The following SPAG1 variants were observed in gnomAD, a reference collection of about 807,000 sequenced individuals.
SPAG1 encodes the protein sperm-associated antigen 1.
SPAG1 carries 69 observed loss-of-function variants against 100.5 expected under a neutral mutation model. The observed-to-expected ratio is 0.69, with a 90% CI of 0.57 to 0.84. The LOEUF (loss-of-function observed/expected upper bound fraction) is 0.84. Among genes scored for constraint, SPAG1 ranks in the 40% least tolerant of loss-of-function variants. The pLI, the probability that SPAG1 is intolerant of heterozygous loss-of-function variation, is 0.00. For synonymous variants in SPAG1, 336 were observed against 411.6 expected (o/e 0.82, Z 2.22); for missense variants, 955 against 1,133.1 (o/e 0.84, Z 2.26).
intron 2 of SPAG1, among the ~76,000 whole-genome samples, chr8:100,164,088 C>G (rs1815437932): frequency 6.6e-6 from 1 of 152,200 alleles, no homozygotes; most frequent in Non-Finnish European, 1.5e-5. Flanking sequence ...CTCCATTTAA[C>G]TCTCTAAGGA....
chr8:100,182,464 T>G (rs1452865871), intron 4 of SPAG1, among the ~76,000 whole-genome samples: 3 of 152,126 alleles, frequency 2.0e-5, no homozygotes, highest in African/African-American at 7.2e-5. Context: ...GTGGTGATGT[T>G]TCCTGCCACA....
At chr8:100,166,093 C>T (rs988774998) in intron 3 of SPAG1, 120 bp downstream of exon 3, 11 of 863,448 alleles carry the variant, frequency 1.3e-5, no homozygotes, top group Admixed American at 3.0e-5. Flanking sequence ...GTCAATTAGG[C>T]AGGATTGGTT....
chr8:100,162,018 C>A (rs938800175), intron 1 of SPAG1, among the ~76,000 whole-genome samples: 3 of 152,146 alleles, frequency 2.0e-5, no homozygotes, highest in Non-Finnish European at 4.4e-5. Flanking sequence ...GCAGGCCAAC[C>A]CTCAGTTTGG....
At position 100,194,574 on chromosome 8, in the gene SPAG1, CT is replaced by C; in HGVS notation, c.1096+309del. 5.9e-6 allele frequency: 3 copies of C among 509,108 alleles called. No individual in the cohort carries two copies. The East Asian group carries it at 9.2e-5, about 16-fold the overall frequency. 31.5% of individuals were successfully genotyped at this position (509,108 alleles called of 1,614,324 possible). A position where few individuals can be genotyped will look rare whatever the true frequency, so the allele number is the denominator to read the frequency against. Reference sequence around the variant, plus strand: ...TTGCCAGTTAACTTTAAATATCTCTCTTTGATAATTGTTTTGTATATATCTA... The same window carrying C: ...TTGCCAGTTAACTTTAAATATCTCTCTTGATAATTGTTTTGTATATATCTA... On this transcript the variant is annotated intron_variant, in intron 10 of 18. Coordinates refer to ENST00000388798, the MANE Select transcript of SPAG1 (RefSeq NM_003114.5).
rs573153875 is a variant in SPAG1 at position 100,239,143 on chromosome 8, A to G, written c.2116-97A>G. 1 of 704,538 alleles carries G rather than the reference A, an allele frequency of 1.4e-6. No individual in the cohort carries two copies. Among genetic ancestry groups the G allele is most frequent in the South Asian group, 2.0e-5 (1 of 48,976 alleles). The allele number at this position is 704,538 out of a possible 1,614,324, so 43.6% of individuals were successfully genotyped here. ...TGGTATTAATGTGGACCCTGCACAC[A>G]TACTGCACAGCTCACTACATCCACC... On this transcript the variant is annotated intron_variant, in intron 16 of 18. Coordinates refer to ENST00000388798, the MANE Select transcript of SPAG1 (RefSeq NM_003114.5). This position sits in a 1 kb window ranked among gnomAD's most constrained non-coding sequence, Gnocchi z 5.0.
intron 14 of SPAG1, among the ~76,000 whole-genome samples, chr8:100,228,035 G>T (rs1048133976): frequency 6.6e-6 from 1 of 151,758 alleles, no homozygotes; most frequent in Admixed American, 6.6e-5. Flanking sequence ...ATAGAGACAG[G>T]ATCTCATTAT....
At position 100,225,323 on chromosome 8, in the gene SPAG1, C is replaced by T. The variant is rs1818459650; in HGVS notation, c.1839C>T (p.Arg613=). The T allele has an allele frequency of 2.5e-6, 4 of 1,613,472 alleles. No individual in the cohort carries two copies. In the Admixed American group the frequency reaches 6.7e-5, roughly 27 times the overall value. ...SKQAGDSSSH[R]QQGITDEKTF... is the part of the protein sequence containing the mutation. ...AAGCAGGAGACTCCAGCAGCCATCG[C>T]CAGCAGGGCATCACAGGTGGGGGAT... is the stretch of plus-strand genomic sequence containing the variant. The change falls in exon 14 of 19, where the codon CGC becomes CGT. Residue 613 remains arginine (R), a synonymous_variant. Transcript: ENST00000388798.
intron 10 of SPAG1, among the ~76,000 whole-genome samples, chr8:100,204,106 G>A (rs946316091): frequency 2.0e-5 from 3 of 152,284 alleles, no homozygotes; most frequent in South Asian, 4.1e-4. Flanking sequence ...GCTGCCATCA[G>A]CCTTTCCACC....
chr8:100,164,264 G>A (rs1815446078), intron 2 of SPAG1, among the ~76,000 whole-genome samples: 1 of 152,108 alleles, frequency 6.6e-6, no homozygotes, highest in African/African-American at 2.4e-5. Flanking sequence ...TTGAATTTAT[G>A]AGCTTAATAT....
intron 10 of SPAG1, among the ~76,000 whole-genome samples, chr8:100,209,764 G>A (rs934455764): frequency 2.0e-5 from 3 of 151,596 alleles, no homozygotes; most frequent in South Asian, 4.2e-4. Flanking sequence ...AAATATAATT[G>A]TTTCCTTGAT....
chr8:100,165,840 A>C lies in SPAG1; in HGVS notation c.167A>C (p.Glu56Ala). The C allele has an allele frequency of 6.2e-7, 1 of 1,613,928 alleles. No individual in the cohort carries two copies. The highest frequency in any genetic ancestry group is 8.5e-7 in the Non-Finnish European group (1 of 1,179,892). The change falls in exon 3 of 19, where the codon GAA (glutamate) becomes GCA (alanine). Residue 56 changes from glutamate to alanine, a missense_variant. Coordinates refer to ENST00000388798, the MANE Select transcript of SPAG1 (RefSeq NM_003114.5). Reference sequence around the variant, plus strand: ...TCTGGTGAGGAAGGATATTATCCTGAACTTACAGAATTTTGTGAAAAGCAT... The same window carrying C: ...TCTGGTGAGGAAGGATATTATCCTGCACTTACAGAATTTTGTGAAAAGCAT... ...LRSGEEGYYP[E>A]LTEFCEKHLQ...
At chr8:100,189,129 C>T (rs1019948749) in intron 8 of SPAG1, among the ~76,000 whole-genome samples, 2 of 150,288 alleles carry the variant, frequency 1.3e-5, no homozygotes, top group Admixed American at 6.6e-5. Context: ...GTTAGGAGTT[C>T]GAGACCAGCC....
rs761748799 is a variant in SPAG1, at chr8:100,178,118, A to G, written c.426+177A>G. ...GAACTATCACGTTCTTTACTGTCTC[A>G]TTACTTGGAAATCAAAATGAAACAG... On this transcript the variant is annotated intron_variant, in intron 4 of 18. Coordinates refer to ENST00000388798, the MANE Select transcript of SPAG1 (RefSeq NM_003114.5). Among the ~76,000 whole-genome samples, 47 of 152,318 alleles carry G rather than the reference A, an allele frequency of 3.1e-4. 1 individual carries two copies. In the East Asian group the frequency reaches 4.2e-3, roughly 14 times the overall value.
chr8:100,233,659 C>G, intron 16 of SPAG1, 122 bp downstream of exon 16: 1 of 952,560 alleles, frequency 1.0e-6, no homozygotes, highest in Non-Finnish European at 1.5e-6. Context: ...AATCCTAGAA[C>G]TGTACTAACC....
At chr8:100,217,907 C>G (rs763601369) in intron 12 of SPAG1, among the ~76,000 whole-genome samples, 38 of 152,252 alleles carry the variant, frequency 2.5e-4, no homozygotes, top group Non-Finnish European at 4.4e-4. Context: ...CTCAGCCTCC[C>G]AAGTAGCTGG....
chr8:100,161,439 G>T (rs576276432), intron 1 of SPAG1, among the ~76,000 whole-genome samples: 1 of 152,114 alleles, frequency 6.6e-6, no homozygotes, highest in South Asian at 2.1e-4. Flanking sequence ...CAATGATTTC[G>T]GTACTGACTG....
intron 14 of SPAG1, among the ~76,000 whole-genome samples, chr8:100,226,153 C>T (rs994428360): frequency 7.2e-5 from 11 of 152,010 alleles, no homozygotes; most frequent in African/African-American, 2.2e-4. Context: ...CCTGCCACCA[C>T]GCACGGCTAA....
At chr8:100,159,305 C>G (rs1009205237) in intron 1 of SPAG1, among the ~76,000 whole-genome samples, 1 of 152,132 alleles carries the variant, frequency 6.6e-6, no homozygotes, top group African/African-American at 2.4e-5. Context: ...GTCCTGGGAG[C>G]CATTCATCAA....
In SPAG1 at chr8:100,213,907, A is replaced by C. The variant is rs913923861; in HGVS notation, c.1524A>C (p.Gln508His). The C allele has an allele frequency of 1.9e-6, 3 of 1,582,244 alleles. No individual in the cohort carries two copies. The African/African-American group carries it at 4.0e-5, about 21-fold the overall frequency. ...LKEGNCSGCI[Q>H]DCNRALELHP... is the part of the protein sequence containing the mutation. Reference sequence around the variant, plus strand: ...AAGGAAACTGCAGTGGCTGCATTCAAGATTGTAACAGGTAAACTGCACGTT... The same window carrying C: ...AAGGAAACTGCAGTGGCTGCATTCACGATTGTAACAGGTAAACTGCACGTT... Residue 508 changes from glutamine to histidine, a missense_variant, in exon 12 of 19, where the codon CAA (glutamine) becomes CAC (histidine). Transcript: ENST00000388798.
Sources: gnomAD v4.1 joint callset for allele counts (sites outside exome capture counted in the v4.1 genomes callset) on GRCh38, gnomAD v4.1.1 for gene constraint, Gnocchi (gnomAD v3.1) non-coding constraint, MANE v1.5 for transcripts, NCBI Gene and HGNC (gene_info 2026-07-23, HGNC 2026-07-21) for gene names.